Variants in IQSEC1 observed in about 807,000 individuals in gnomAD.
IQSEC1 encodes IQ motif and Sec7 domain ArfGEF 1.
In IQSEC1, 31 loss-of-function variants were observed where a neutral mutation model predicts 91.0. The observed-to-expected ratio is 0.34, with a 90% confidence interval of 0.26 to 0.46. The LOEUF is 0.46. Among genes scored for constraint, IQSEC1 ranks in the 20% least tolerant of loss-of-function variants. The pLI, the probability that IQSEC1 is intolerant of heterozygous loss-of-function variation, is 1.00. For missense variants in IQSEC1, 1,388 were observed against 1,575.6 expected (o/e 0.88, Z 2.02); for synonymous variants, 699 against 662.6 (o/e 1.05, Z -0.84).
chr3:13,124,543 G>A (rs967373337), intron 2 of IQSEC1, among the ~76,000 whole-genome samples: 4 of 152,182 alleles, frequency 2.6e-5, no homozygotes, highest in Non-Finnish European at 5.9e-5. Context: ...CTGTTCATCC[G>A]TGATGTGGGG....
At chr3:13,098,331 G>A (rs561602600) in intron 2 of IQSEC1, among the ~76,000 whole-genome samples, 2 of 152,250 alleles carry the variant, frequency 1.3e-5, no homozygotes, top group Admixed American at 6.5e-5. Flanking sequence ...GAGCATAGAC[G>A]GCGAAATCTA....
At position 13,136,864 on chromosome 3, in the gene IQSEC1, C is replaced by T. The variant is rs566675837; in HGVS notation, c.302+27240G>A. On this transcript the variant is annotated intron_variant, in intron 2 of 15. Coordinates refer to the IQSEC1 transcript ENST00000648114. The stretch of plus-strand genomic sequence containing the variant: ...TTAAAAATCATTCTGGGGCCGGGTG[C>T]GGTGGCTCATGTCTGTAATCCCAGC... Among the ~76,000 whole-genome samples the T allele has an allele frequency of 2.6e-4, 39 of 152,252 alleles. No homozygotes were observed. The Middle Eastern group carries it at 0.01, about 40-fold the overall frequency.
intron 2 of IQSEC1, among the ~76,000 whole-genome samples, chr3:13,100,575 G>T (rs556565842): frequency 7.4e-5 from 11 of 148,624 alleles, no homozygotes; most frequent in African/African-American, 2.5e-4. Context: ...GCAACTACAA[G>T]GTCACTGATT....
At chr3:12,985,546 C>T (rs896038736) in intron 1 of IQSEC1, among the ~76,000 whole-genome samples, 1 of 152,034 alleles carries the variant, frequency 6.6e-6, no homozygotes, top group Non-Finnish European at 1.5e-5. Flanking sequence ...TCCTTAAGTC[C>T]TGCTGACAAG....
At chr3:13,025,598 C>A (rs1031950146) in intron 1 of IQSEC1, among the ~76,000 whole-genome samples, 8 of 152,196 alleles carry the variant, frequency 5.3e-5, no homozygotes, top group African/African-American at 1.9e-4. Context: ...GCCCTCTCCT[C>A]GCCTGTTGAG....
At chr3:12,985,743 G>T (rs1467164108) in intron 1 of IQSEC1, among the ~76,000 whole-genome samples, 1 of 152,150 alleles carries the variant, frequency 6.6e-6, no homozygotes, top group African/African-American at 2.4e-5. Flanking sequence ...ATATGTTTTT[G>T]ACCAGATACC....
At position 13,110,580 on chromosome 3, in the gene IQSEC1, T is replaced by A. The variant is rs969660858; in HGVS notation, c.302+53524A>T. Among the ~76,000 whole-genome samples, 2 of 152,144 alleles carry A rather than the reference T, an allele frequency of 1.3e-5. 1 individual carries two copies. Among genetic ancestry groups the A allele is most frequent in the African/African-American group, 4.8e-5 (2 of 41,446 alleles). ...CTCCAGCCTGGCAACAGAGCGAGAC[T>A]TCGTTTCAACCAAACTGTCCTGACT... On this transcript the variant is annotated intron_variant, in intron 2 of 15. Transcript: ENST00000648114.
intron 1 of IQSEC1, among the ~76,000 whole-genome samples, chr3:13,002,806 A>G (rs1225577466): frequency 1.3e-5 from 2 of 152,226 alleles, no homozygotes; most frequent in Non-Finnish European, 2.9e-5. Flanking sequence ...TAGGACAGCT[A>G]GAAGCAAAAA....
At chr3:13,166,135 G>A (rs1693490590) in intron 1 of IQSEC1, among the ~76,000 whole-genome samples, 1 of 152,204 alleles carries the variant, frequency 6.6e-6, no homozygotes, top group Admixed American at 6.5e-5. Context: ...GATTCAGCAG[G>A]ACAGAACACA....
intron 1 of IQSEC1, among the ~76,000 whole-genome samples, chr3:13,270,408 T>C (rs1431128862): frequency 6.6e-6 from 1 of 152,188 alleles, no homozygotes; most frequent in East Asian, 1.9e-4. Flanking sequence ...AGACAAATAA[T>C]TCACTCCCCT....
Position 12,898,925 on chromosome 3 carries a change from C to T in IQSEC1, c.*2058G>A, listed in dbSNP as rs1178658643. On this transcript the variant is annotated 3_prime_UTR_variant, in exon 14 of 14. Transcript: ENST00000613206. Reference sequence around the variant, plus strand: ...GACCCGAGAATTGATGAGTCGGAGACACCAGGGCGCTTCCCTGACAGCCCA... The same window carrying T: ...GACCCGAGAATTGATGAGTCGGAGATACCAGGGCGCTTCCCTGACAGCCCA... The T allele has an allele frequency of 6.3e-6, 1 of 158,468 alleles. No homozygotes were observed. The highest frequency in any genetic ancestry group is 1.4e-5 in the Non-Finnish European group (1 of 71,986). 9.8% of individuals were successfully genotyped at this position (158,468 alleles called of 1,614,324 possible). A position where few individuals can be genotyped will look rare whatever the true frequency, so the allele number is the denominator to read the frequency against.
intron 2 of IQSEC1, among the ~76,000 whole-genome samples, chr3:13,139,391 C>T (rs1325265906): frequency 2.0e-5 from 3 of 152,182 alleles, no homozygotes; most frequent in Admixed American, 1.3e-4. Context: ...CTGGTGAATC[C>T]GAAGGGCTAG....
chr3:12,930,314 C>G (rs1181805923), intron 3 of IQSEC1, among the ~76,000 whole-genome samples: 1 of 152,214 alleles, frequency 6.6e-6, no homozygotes, highest in Non-Finnish European at 1.5e-5. Flanking sequence ...GTGCTTGGCT[C>G]CAGTCCTTTT....
Position 12,936,125 on chromosome 3 carries a change from C to T in IQSEC1, c.891G>A (p.Glu297=). 1 of 1,612,124 alleles carries T rather than the reference C, an allele frequency of 6.2e-7. No homozygotes were observed. Among genetic ancestry groups the T allele is most frequent in the South Asian group, 1.1e-5 (1 of 91,058 alleles). Residue 297 remains glutamate (E), a synonymous_variant, in exon 3 of 14, where the codon GAG becomes GAA. Coordinates refer to ENST00000613206, the MANE Select transcript of IQSEC1 (RefSeq NM_001134382.3). The part of the protein sequence containing the change: ...SDVTLYIDEE[E]LSPPLPLSQA... ...GCGAGAGGGGCAGAGGGGGCGACAG[C>T]TCCTCCTCATCGATGTACAGGGTGA...
At chr3:13,134,093 C>T (rs1029564475) in intron 2 of IQSEC1, among the ~76,000 whole-genome samples, 2 of 152,230 alleles carry the variant, frequency 1.3e-5, no homozygotes, top group South Asian at 2.1e-4. Context: ...CAAGACCACA[C>T]CTCCATTTGC....
intron 1 of IQSEC1, among the ~76,000 whole-genome samples, chr3:13,068,317 A>G (rs1705304531): frequency 6.6e-6 from 1 of 152,260 alleles, no homozygotes; most frequent in African/African-American, 2.4e-5. Context: ...AACTACCAGA[A>G]AAGTCTGTTC....
chr3:12,954,196 G>T (rs1226319716), intron 1 of IQSEC1, among the ~76,000 whole-genome samples: 2 of 152,202 alleles, frequency 1.3e-5, no homozygotes, highest in African/African-American at 4.8e-5. Flanking sequence ...CAGGGGCCAG[G>T]CCACACCCTC....
chr3:13,119,258 G>C (rs879376684), intron 2 of IQSEC1, among the ~76,000 whole-genome samples: 18 of 152,202 alleles, frequency 1.2e-4, no homozygotes, highest in Non-Finnish European at 1.8e-4. Flanking sequence ...TGAACACACT[G>C]TTAGGAAATT....
chr3:13,269,889 T>C (rs1695564460), intron 1 of IQSEC1, among the ~76,000 whole-genome samples: 2 of 152,214 alleles, frequency 1.3e-5, no homozygotes, highest in African/African-American at 4.8e-5. Context: ...CCTTGTGATC[T>C]GCGTGACCAA....
Sources: allele counts gnomAD v4.1 joint callset (sites outside exome capture counted in the v4.1 genomes callset), GRCh38; gene constraint gnomAD v4.1.1; transcripts MANE v1.5; gene names NCBI Gene and HGNC (gene_info 2026-07-23, HGNC 2026-07-21).